LRRC74A: variants seen among roughly 807,000 people sequenced by gnomAD.
The protein encoded by LRRC74A is leucine-rich repeat-containing protein 74A.
A neutral mutation model predicts 57.9 loss-of-function variants in LRRC74A; 44 were observed. That is an observed-to-expected ratio of 0.76 (90% CI 0.60 to 0.98). LRRC74A has a LOEUF of 0.98. LRRC74A is among the 50% of genes least tolerant of loss of function. The pLI is 0.00. For missense variants in LRRC74A, 572 were observed against 574.0 expected, an observed-to-expected ratio of 1.00 and a Z score of 0.04; for synonymous variants, 211 against 219.4, an observed-to-expected ratio of 0.96 and a Z score of 0.34.
At chr14:76,866,960 GT>G (rs1414428987) in intron 12 of LRRC74A, among the ~76,000 whole-genome samples, 5 of 2,626 alleles carry the variant, frequency 1.9e-3, no homozygotes, top group African/African-American at 4.9e-3. Context: ...GTGTGTGTGT[GT>G]GTGTGTGTGT....
intron 13 of LRRC74A, among the ~76,000 whole-genome samples, chr14:76,868,691 T>C (rs373764325): frequency 2.6e-5 from 4 of 152,190 alleles, no homozygotes; most frequent in African/African-American, 9.7e-5. Flanking sequence ...TAAGAGCTTC[T>C]GTGGAGCAAG....
chr14:76,826,676 C>T lies in LRRC74A; in HGVS notation c.-22C>T. The T allele has an allele frequency of 1.9e-6, 3 of 1,580,104 alleles. No homozygotes were observed. The highest frequency in any genetic ancestry group is 2.6e-6 in the Non-Finnish European group (3 of 1,164,342). Reference sequence around the variant, plus strand: ...AGAGGTGGCAAGAAGTTGGCAGCTGCCCTCAAGAGGGTCCTGGCACCATGG... The same window carrying T: ...AGAGGTGGCAAGAAGTTGGCAGCTGTCCTCAAGAGGGTCCTGGCACCATGG... On this transcript the variant is annotated 5_prime_UTR_variant, in exon 1 of 14. Transcript: ENST00000689127.
At chr14:76,827,264 A>G (rs1895641494) in intron 1 of LRRC74A, among the ~76,000 whole-genome samples, 1 of 152,184 alleles carries the variant, frequency 6.6e-6, no homozygotes, top group African/African-American at 2.4e-5. Flanking sequence ...TGTGTATCCC[A>G]GACAGTCTGG....
chr14:76,839,924 T>C (rs1896635006), intron 5 of LRRC74A, among the ~76,000 whole-genome samples: 1 of 152,038 alleles, frequency 6.6e-6, no homozygotes, highest in Non-Finnish European at 1.5e-5. Context: ...AGACACGGGG[T>C]TTCACCATGT....
intron 9 of LRRC74A, among the ~76,000 whole-genome samples, chr14:76,857,114 G>GTAGA (rs1897954565): frequency 2.6e-5 from 1 of 39,192 alleles, no homozygotes; most frequent in South Asian, 1.4e-3. Context: ...TGGTGGGTAG[G>GTAGA]TGGATAGATG....
intron 9 of LRRC74A, among the ~76,000 whole-genome samples, chr14:76,856,551 G>C (rs1326758198): frequency 7.8e-6 from 1 of 128,520 alleles, no homozygotes; most frequent in Non-Finnish European, 1.7e-5. Flanking sequence ...TGGATGGATG[G>C]ATGAGCGGTG....
At chr14:76,838,542 T>A (rs1896530401) in intron 5 of LRRC74A, among the ~76,000 whole-genome samples, 1 of 152,168 alleles carries the variant, frequency 6.6e-6, no homozygotes, top group Admixed American at 6.5e-5. Flanking sequence ...AATGAATGAC[T>A]AGTTTCCAGA....
intron 7 of LRRC74A, among the ~76,000 whole-genome samples, chr14:76,847,031 G>A (rs561441716): frequency 3.3e-5 from 5 of 152,258 alleles, no homozygotes; most frequent in African/African-American, 1.2e-4. Context: ...GGGTCACTCC[G>A]ACATTTTTAG....
chr14:76,859,473 G>A (rs971497736), intron 10 of LRRC74A, among the ~76,000 whole-genome samples: 3 of 149,182 alleles, frequency 2.0e-5, no homozygotes, highest in African/African-American at 7.4e-5. Flanking sequence ...GGCAGAGGTT[G>A]TGATAAGCCA....
chr14:76,866,963 T>TA (rs1898873802), intron 12 of LRRC74A, among the ~76,000 whole-genome samples: 2 of 25,198 alleles, frequency 7.9e-5, no homozygotes, highest in African/African-American at 3.8e-4. Flanking sequence ...TGTGTGTGTG[T>TA]GTGTGTGTGT....
intron 3 of LRRC74A, among the ~76,000 whole-genome samples, chr14:76,833,702 C>T (rs774848083): frequency 4.1e-4 from 63 of 152,196 alleles, no homozygotes; most frequent in Non-Finnish European, 7.6e-4. Flanking sequence ...CTTGGCCTCT[C>T]AAAGTGCTGG....
At chr14:76,835,134 G>A (rs1896232975) in intron 3 of LRRC74A, among the ~76,000 whole-genome samples, 1 of 152,136 alleles carries the variant, frequency 6.6e-6, no homozygotes, top group Non-Finnish European at 1.5e-5. Flanking sequence ...GTTCTGATTA[G>A]AGCTAACCCA....
chr14:76,843,673 C>G (rs1380487438), intron 5 of LRRC74A, among the ~76,000 whole-genome samples: 1 of 152,072 alleles, frequency 6.6e-6, no homozygotes, highest in Non-Finnish European at 1.5e-5. Context: ...CCCTTCCTGT[C>G]CTGTCCTGTC....
At chr14:76,838,005 G>A in intron 5 of LRRC74A, 34 bp downstream of exon 5, 2 of 1,316,874 alleles carry the variant, frequency 1.5e-6, no homozygotes, top group Non-Finnish European at 2.1e-6. Context: ...GAAGACACTG[G>A]GAATCAGAGG....
In LRRC74A at chr14:76,828,315, G is replaced by A. The variant is rs1308171872; in HGVS notation, c.62G>A (p.Arg21Gln). ...GATGAGATTGAAATTGAGCCAGTAC[G>A]ACAGAGCAGCGATAAAATGCTCTAC... ...TEDEIEIEPVRQSSDKMLYCE... is the reference protein window; with the variant it reads ...TEDEIEIEPVQQSSDKMLYCE... The change falls in exon 2 of 14, where the codon CGA becomes CAA. Residue 21 changes from arginine to glutamine, a missense_variant. By Grantham distance (43) the Arg-to-Gln change is conservative (BLOSUM62 1). Transcript: ENST00000689127. 1.3e-5 allele frequency: 21 copies of A among 1,607,180 alleles called. No homozygotes were observed. In the East Asian group the frequency reaches 3.8e-4, roughly 29 times the overall value.
At chr14:76,864,870 G>T (rs935729029) in intron 11 of LRRC74A, among the ~76,000 whole-genome samples, 3 of 152,126 alleles carry the variant, frequency 2.0e-5, no homozygotes, top group Non-Finnish European at 2.9e-5. Context: ...AAAAAAAAGA[G>T]AGGAAAAGAA....
rs753764918 is a variant in LRRC74A, at chr14:76,867,347, C to T, written c.1309-9C>T. On this transcript the variant is annotated splice_polypyrimidine_tract_variant and intron_variant, in intron 12 of 13. Coordinates refer to ENST00000689127, the MANE Select transcript of LRRC74A (RefSeq NM_001385106.1). ...CTATTAACTGCACATGTTCCATCCA[C>T]CTCCTCAGCAAAACAAGGTCCCCCT... 2 of 1,477,120 alleles carry T rather than the reference C, an allele frequency of 1.4e-6. No individual in the cohort carries two copies. The allele number at this position is 1,477,120 out of a possible 1,614,324, so 91.5% of individuals were successfully genotyped here.
chr14:76,856,616 T>C (rs1025757868), intron 9 of LRRC74A, among the ~76,000 whole-genome samples: 3 of 148,178 alleles, frequency 2.0e-5, no homozygotes, highest in African/African-American at 7.6e-5. Flanking sequence ...GGTGGATGGA[T>C]GAGTAGATGA....
intron 13 of LRRC74A, among the ~76,000 whole-genome samples, chr14:76,869,335 A>C (rs1212031814): frequency 6.6e-6 from 1 of 152,232 alleles, no homozygotes; most frequent in African/African-American, 2.4e-5. Context: ...GGGCCACTTC[A>C]AATTGCCCTT....
Sources: gnomAD v4.1 joint callset for allele counts (sites outside exome capture counted in the v4.1 genomes callset) on GRCh38, gnomAD v4.1.1 for gene constraint, MANE v1.5 for transcripts, NCBI Gene and HGNC (gene_info 2026-07-23, HGNC 2026-07-21) for gene names.